The following FRYL variants were observed in gnomAD, a reference collection of about 807,000 sequenced individuals.
FRYL encodes the protein protein furry homolog-like.
In FRYL, 150 loss-of-function variants were observed where a neutral mutation model predicts 351.2. The observed-to-expected ratio is 0.43, with a 90% CI of 0.37 to 0.49. FRYL has a LOEUF of 0.49. FRYL is among the 20% of genes least tolerant of loss of function. The pLI, the probability that FRYL is intolerant of heterozygous loss-of-function variation, is 0.00. For missense variants in FRYL, 3,036 were observed against 3,619.3 expected (o/e 0.84, Z 4.13); for synonymous variants, 1,153 against 1,257.1 (o/e 0.92, Z 1.75).
At chr4:48,747,565 G>A (rs1040462505) in intron 1 of FRYL, among the ~76,000 whole-genome samples, 6 of 152,098 alleles carry the variant, frequency 3.9e-5, no homozygotes, top group Non-Finnish European at 8.8e-5. Flanking sequence ...TTAACTTGAG[G>A]AAAAATAAAA....
intron 1 of FRYL, among the ~76,000 whole-genome samples, chr4:48,772,859 T>C (rs1775659010): frequency 6.6e-6 from 1 of 152,118 alleles, no homozygotes; most frequent in African/African-American, 2.4e-5. Flanking sequence ...TTCAGATGCT[T>C]TTAACAACAA....
At chr4:48,778,026 A>G (rs1776209977) in intron 1 of FRYL, among the ~76,000 whole-genome samples, 1 of 152,154 alleles carries the variant, frequency 6.6e-6, no homozygotes, top group Admixed American at 6.5e-5. Flanking sequence ...TGAGACCACC[A>G]TCTCTACAAA....
chr4:48,698,923 T>C (rs1162775981), intron 2 of FRYL, among the ~76,000 whole-genome samples: 2 of 152,002 alleles, frequency 1.3e-5, no homozygotes, highest in Non-Finnish European at 2.9e-5. Context: ...AATGGTGCCC[T>C]AGAAATCCAA....
chr4:48,582,916 T>G (rs1741230648), intron 19 of FRYL, among the ~76,000 whole-genome samples, 182 bp from the exon 20 acceptor site: 1 of 152,236 alleles, frequency 6.6e-6, no homozygotes, highest in Non-Finnish European at 1.5e-5. Context: ...TATACTCTCA[T>G]TTGCTTAAAT....
At chr4:48,661,315 G>A (rs879805025) in intron 3 of FRYL, among the ~76,000 whole-genome samples, 1 of 152,158 alleles carries the variant, frequency 6.6e-6, no homozygotes, top group Non-Finnish European at 1.5e-5. Flanking sequence ...ATATGATCAA[G>A]GTTTTCAGAC....
chr4:48,668,947 G>A (rs1343338425), intron 3 of FRYL, among the ~76,000 whole-genome samples: 2 of 152,102 alleles, frequency 1.3e-5, no homozygotes, highest in Non-Finnish European at 2.9e-5. Context: ...AACCTTTACA[G>A]AATATTCCTT....
At chr4:48,674,508 C>A (rs367696137) in intron 3 of FRYL, among the ~76,000 whole-genome samples, 2 of 151,852 alleles carry the variant, frequency 1.3e-5, no homozygotes, top group African/African-American at 4.8e-5. Flanking sequence ...GAGGCCAAGG[C>A]GGGTAGATCA....
At position 48,511,000 on chromosome 4, in the gene FRYL, GAAGA is replaced by G. The variant is rs752267162; in HGVS notation, c.8146-20_8146-17del. 4 of 1,596,666 alleles carry G rather than the reference GAAGA, an allele frequency of 2.5e-6. No individual in the cohort carries two copies. The highest frequency in any genetic ancestry group is 2.2e-5 in the East Asian group (1 of 44,670). The stretch of plus-strand genomic sequence containing the variant: ...TTTGAATTGTCTATGGAGAAAAGCA[GAAGA>G]AAGAGTTTAGTGTTTCATAAGAAGG... On this transcript the variant is annotated splice_polypyrimidine_tract_variant and intron_variant, in intron 57 of 63. Transcript: ENST00000358350.
chr4:48,502,882 A>C (rs773788901), intron 60 of FRYL, 37 bp from the exon 61 acceptor site: 2 of 1,572,638 alleles, frequency 1.3e-6, no homozygotes, highest in East Asian at 4.5e-5. Flanking sequence ...AAAAATACAA[A>C]GGAAGAAAAA....
In FRYL at chr4:48,734,423, G is replaced by C. The variant is rs74968151; in HGVS notation, c.-383-23725C>G. ...AAAATGTGTGAGTGAAAAACTGATAGAATTACATGGAAAAATAGATGAATC... is the reference window on the plus strand; with the variant it reads ...AAAATGTGTGAGTGAAAAACTGATACAATTACATGGAAAAATAGATGAATC... On this transcript the variant is annotated intron_variant, in intron 1 of 63. Coordinates refer to ENST00000358350, the MANE Select transcript of FRYL (RefSeq NM_015030.2). Among the ~76,000 whole-genome samples the C allele has an allele frequency of 9.1e-3, 1,390 of 152,256 alleles. 19 individuals are homozygous for C. Among genetic ancestry groups the C allele is most frequent in the African/African-American group, 0.032 (1,340 of 41,550 alleles).
At chr4:48,513,901 A>G (rs1167643833) in intron 56 of FRYL, among the ~76,000 whole-genome samples, 1 of 152,218 alleles carries the variant, frequency 6.6e-6, no homozygotes, top group Non-Finnish European at 1.5e-5. Flanking sequence ...TAGAAAGCCA[A>G]ATAGCTGAAT....
intron 1 of FRYL, among the ~76,000 whole-genome samples, chr4:48,751,500 T>C (rs902223735): frequency 2.0e-5 from 3 of 152,134 alleles, no homozygotes; most frequent in Non-Finnish European, 4.4e-5. Flanking sequence ...GGGGAGTCCT[T>C]TAGCAAAACA....
chr4:48,635,082 G>C (rs1360637937), intron 3 of FRYL, among the ~76,000 whole-genome samples: 1 of 152,146 alleles, frequency 6.6e-6, no homozygotes, highest in Non-Finnish European at 1.5e-5. Flanking sequence ...GACCAGTGTG[G>C]CTGGAGCTCA....
chr4:48,694,069 A>G (rs1178265858), intron 2 of FRYL, among the ~76,000 whole-genome samples: 1 of 152,138 alleles, frequency 6.6e-6, no homozygotes, highest in Non-Finnish European at 1.5e-5. Flanking sequence ...TATCACAGGG[A>G]AATATCACCT....
chr4:48,540,806 C>CA lies in FRYL; in HGVS notation c.5841dup (p.Gly1948TrpfsTer2). On this transcript the variant is annotated frameshift_variant, in exon 46 of 64. Transcript: ENST00000358350. LOFTEE classifies it high-confidence loss of function. ...CGCCGCCGGTCACCTCGTCGGTCAC[C>CA]AATCAAACTTAATCTCAAAGAGTTA... 6.2e-7 allele frequency: 1 copy of CA among 1,613,954 alleles called. No homozygotes were observed. The highest frequency in any genetic ancestry group is 8.5e-7 in the Non-Finnish European group (1 of 1,179,934).
chr4:48,721,492 C>G (rs1769467154), intron 1 of FRYL, among the ~76,000 whole-genome samples: 1 of 151,628 alleles, frequency 6.6e-6, no homozygotes, highest in South Asian at 2.1e-4. Context: ...GAGACCCCAT[C>G]TCTATAAGAA....
intron 1 of FRYL, among the ~76,000 whole-genome samples, chr4:48,728,105 C>G (rs1390819333): frequency 1.3e-5 from 2 of 152,072 alleles, no homozygotes; most frequent in Admixed American, 6.6e-5. Context: ...AAGAAAAGAT[C>G]ACAAGGCATA....
chr4:48,500,003 T>G (rs1719200042), intron 63 of FRYL, 27 bp downstream of exon 63: 1 of 1,441,812 alleles, frequency 6.9e-7, no homozygotes, highest in Non-Finnish European at 9.5e-7. Context: ...TTTAAAGGCA[T>G]CACCTTTAAA....
intron 57 of FRYL, 121 bp from the exon 58 acceptor site, chr4:48,511,105 T>C (rs544861029): frequency 3.6e-6 from 2 of 556,890 alleles, no homozygotes; most frequent in East Asian, 6.4e-5. Flanking sequence ...TATAGAACTT[T>C]AATCATTGAT....
Sources: allele counts gnomAD v4.1 joint callset (sites outside exome capture counted in the v4.1 genomes callset), GRCh38; gene constraint gnomAD v4.1.1; transcripts MANE v1.5; gene names NCBI Gene and HGNC (gene_info 2026-07-23, HGNC 2026-07-21).